The following CDH11 variants were observed in gnomAD, a reference collection of about 807,000 sequenced individuals.
CDH11 encodes cadherin-11.
In CDH11, 11 loss-of-function variants were observed where a neutral mutation model predicts 67.8. The observed-to-expected ratio is 0.16, with a 90% CI of 0.10 to 0.27. The LOEUF (loss-of-function observed/expected upper bound fraction) is 0.27, where lower values mean the gene tolerates loss of function less well. Ranked by LOEUF, CDH11 falls within the 10% of genes least tolerant of loss-of-function variation. The pLI is 1.00. For synonymous variants in CDH11, 419 were observed against 400.0 expected (o/e 1.05, Z -0.57); for missense variants, 847 against 1,031.2 (o/e 0.82, Z 2.45).
At chr16:65,041,536 G>A (rs1367398059) in intron 2 of CDH11, among the ~76,000 whole-genome samples, 1 of 152,056 alleles carries the variant, frequency 6.6e-6, no homozygotes, top group Non-Finnish European at 1.5e-5. Flanking sequence ...TACAACATCC[G>A]CACATAATTG....
At chr16:65,111,130 T>G (rs572941137) in intron 1 of CDH11, among the ~76,000 whole-genome samples, 1 of 152,242 alleles carries the variant, frequency 6.6e-6, no homozygotes, top group South Asian at 2.1e-4. Flanking sequence ...AATAACAGAC[T>G]CAAGATTTAA....
Position 64,947,434 on chromosome 16 carries a change from TATTTACC to T in CDH11, c.*162_*168del, listed in dbSNP as rs976819525. The T allele has an allele frequency of 1.3e-5, 18 of 1,421,376 alleles. No individual in the cohort carries two copies. In the African/African-American group the frequency reaches 2.3e-4, roughly 18 times the overall value. The allele number at this position is 1,421,376 out of a possible 1,614,324, so 88.0% of individuals were successfully genotyped here. On this transcript the variant is annotated 3_prime_UTR_variant, in exon 13 of 13. Transcript: ENST00000268603. ...TTTTGTGAGAAAAGGTATTTCACAG[TATTTACC>T]ACTTTGATGTCCTCGCAGTTTTATT...
In CDH11 at chr16:65,059,346, T is replaced by C. The variant is rs1307715639; in HGVS notation, c.-297-5418A>G. ...TGAGCCCCAAATGGATTTGACACAG[T>C]GGCCTTTTAAATCAAACTCTTACTA... On this transcript the variant is annotated intron_variant, in intron 1 of 12. Transcript: ENST00000268603. Among the ~76,000 whole-genome samples, 7 of 152,338 alleles carry C rather than the reference T, an allele frequency of 4.6e-5. No homozygotes were observed. The East Asian group carries it at 1.4e-3, about 29-fold the overall frequency.
At chr16:64,953,634 C>T (rs16968223) in intron 11 of CDH11, among the ~76,000 whole-genome samples, 8,310 of 152,178 alleles carry the variant, frequency 0.055, 342 homozygotes, top group South Asian at 0.17. Context: ...GCTTTACACA[C>T]CATTGTTCCA....
intron 11 of CDH11, among the ~76,000 whole-genome samples, chr16:64,970,791 T>C (rs557039385): frequency 6.6e-6 from 1 of 152,326 alleles, no homozygotes; most frequent in African/African-American, 2.4e-5. Context: ...TGGTGGCATT[T>C]GTCTCCCTGT....
chr16:65,022,530 C>T (rs1195621084), intron 2 of CDH11, among the ~76,000 whole-genome samples: 2 of 152,222 alleles, frequency 1.3e-5, no homozygotes, highest in African/African-American at 2.4e-5. Flanking sequence ...CTGAGTCTAG[C>T]GAAAGCCCAG....
chr16:65,093,000 G>C (rs956954302), intron 1 of CDH11, among the ~76,000 whole-genome samples: 1 of 147,452 alleles, frequency 6.8e-6, no homozygotes. Flanking sequence ...GCAGTGGCGT[G>C]ATCTTGGCCC....
intron 11 of CDH11, among the ~76,000 whole-genome samples, chr16:64,959,154 T>C (rs921118619): frequency 6.6e-6 from 1 of 152,206 alleles, no homozygotes; most frequent in African/African-American, 2.4e-5. Context: ...CCTTTTGTAC[T>C]GAGGAATCTG....
chr16:65,084,906 T>C (rs1031533218), intron 1 of CDH11, among the ~76,000 whole-genome samples: 2 of 152,156 alleles, frequency 1.3e-5, no homozygotes, highest in African/African-American at 4.8e-5. Flanking sequence ...TGCTTAAAAA[T>C]TATGATTATT....
In CDH11 at chr16:64,981,797, G is replaced by A. The variant is rs558918024; in HGVS notation, c.1253+251C>T. 2.8e-4 allele frequency: 101 copies of A among 360,220 alleles called. 3 individuals are homozygous for A. The South Asian group carries it at 3.5e-3, about 13-fold the overall frequency. 22.3% of individuals were successfully genotyped at this position (360,220 alleles called of 1,614,324 possible). On this transcript the variant is annotated intron_variant, in intron 8 of 12. Coordinates refer to ENST00000268603, the MANE Select transcript of CDH11 (RefSeq NM_001797.4). ...GCAGACAGGCCCAGCTCAGGGCTCC[G>A]TCACCTAGTATGCCTGGGGGAATCT...
intron 11 of CDH11, among the ~76,000 whole-genome samples, chr16:64,956,552 T>C (rs575243231): frequency 6.6e-6 from 1 of 152,368 alleles, no homozygotes; most frequent in African/African-American, 2.4e-5. Flanking sequence ...TCTTGGTTTT[T>C]GATCTTGACA....
rs76770410 is a variant in CDH11 at position 65,022,159 on chromosome 16, T to C, written c.-172-17118A>G. 1.4e-3 allele frequency among the ~76,000 whole-genome samples: 210 copies of C among 152,084 alleles called. 3 individuals are homozygous for C. The East Asian group carries it at 0.036, about 26-fold the overall frequency. On this transcript the variant is annotated intron_variant, in intron 2 of 12. Coordinates refer to ENST00000268603, the MANE Select transcript of CDH11 (RefSeq NM_001797.4). ...ATCTTTTCCAAGGAAAAGGGACAGATATAAATCTGAGAAACCTTAAAAGGA... is the reference window on the plus strand; with the variant it reads ...ATCTTTTCCAAGGAAAAGGGACAGACATAAATCTGAGAAACCTTAAAAGGA...
chr16:64,946,498 T>C lies in CDH11; in HGVS notation c.*1105A>G. 2 of 1,031,014 alleles carry C rather than the reference T, an allele frequency of 1.9e-6. No homozygotes were observed. The highest frequency in any genetic ancestry group is 2.3e-6 in the Non-Finnish European group (2 of 857,268). The allele number at this position is 1,031,014 out of a possible 1,614,324, so 63.9% of individuals were successfully genotyped here. A position where few individuals can be genotyped will look rare whatever the true frequency, so the allele number is the denominator to read the frequency against. Reference sequence around the variant, plus strand: ...TAACACATATTGCAAAGTCATAGACTGACCTAGTTCTTTCACATCCTTCTT... The same window carrying C: ...TAACACATATTGCAAAGTCATAGACCGACCTAGTTCTTTCACATCCTTCTT... On this transcript the variant is annotated 3_prime_UTR_variant, in exon 13 of 13. Coordinates refer to ENST00000268603, the MANE Select transcript of CDH11 (RefSeq NM_001797.4).
chr16:65,022,927 C>T (rs1002833807), intron 2 of CDH11, among the ~76,000 whole-genome samples: 1 of 152,180 alleles, frequency 6.6e-6, no homozygotes, highest in Admixed American at 6.5e-5. Flanking sequence ...CCAGGGTCAA[C>T]ACAACAGAGG....
intron 2 of CDH11, among the ~76,000 whole-genome samples, chr16:65,032,609 T>C (rs1222778558): frequency 6.6e-6 from 1 of 152,090 alleles, no homozygotes; most frequent in Non-Finnish European, 1.5e-5. Flanking sequence ...GTGCCAAGCG[T>C]TCTCTAAGTC....
chr16:65,062,892 G>C (rs1451363034), intron 1 of CDH11, among the ~76,000 whole-genome samples: 2 of 152,212 alleles, frequency 1.3e-5, no homozygotes, highest in Non-Finnish European at 2.9e-5. Context: ...GCACAAATTT[G>C]AATTTGGCCA....
chr16:65,060,936 C>T (rs2074229399), intron 1 of CDH11, among the ~76,000 whole-genome samples: 1 of 152,218 alleles, frequency 6.6e-6, no homozygotes, highest in African/African-American at 2.4e-5. Context: ...ACCTTACCTC[C>T]TGCTTCAGTA....
chr16:64,991,174 G>A (rs1020225042), intron 6 of CDH11, among the ~76,000 whole-genome samples: 4 of 152,034 alleles, frequency 2.6e-5, no homozygotes, highest in Admixed American at 6.6e-5. Flanking sequence ...ACCAGCCCAC[G>A]CAGAAAGGAA....
intron 1 of CDH11, among the ~76,000 whole-genome samples, chr16:65,073,871 G>A (rs1401516307): frequency 2.6e-5 from 4 of 152,200 alleles, no homozygotes; most frequent in Admixed American, 6.5e-5. Context: ...TCCACAGACA[G>A]CATCAGGAGA....
Sources: allele counts gnomAD v4.1 joint callset (sites outside exome capture counted in the v4.1 genomes callset), GRCh38; gene constraint gnomAD v4.1.1; transcripts MANE v1.5; gene names NCBI Gene and HGNC (gene_info 2026-07-23, HGNC 2026-07-21).